Variants in MLIP observed in about 807,000 individuals in gnomAD.
MLIP encodes the protein muscular LMNA interacting protein, also known as muscular LMNA-interacting protein.
Under a neutral mutation model 84.8 loss-of-function variants are expected in MLIP, and 79 were observed. The ratio of observed to expected loss-of-function variants is 0.93; its 90% CI spans 0.78 to 1.12. MLIP has a LOEUF of 1.12. MLIP is among the 50% of genes most tolerant of loss of function. The pLI is 0.00. For missense variants in MLIP, 1,257 were observed against 1,160.6 expected, an observed-to-expected ratio of 1.08 and a Z score of -1.21; for synonymous variants, 504 against 463.0, an observed-to-expected ratio of 1.09 and a Z score of -1.14.
At chr6:54,150,359 C>T (rs74509098) in intron 5 of MLIP, among the ~76,000 whole-genome samples, 10,846 of 152,164 alleles carry the variant, frequency 0.071, 556 homozygotes, top group East Asian at 0.24. Flanking sequence ...GACTAAAATA[C>T]GGATTTCAGG....
intron 12 of MLIP, among the ~76,000 whole-genome samples, chr6:54,243,058 T>G (rs1781844073): frequency 6.6e-6 from 1 of 152,220 alleles, no homozygotes; most frequent in South Asian, 2.1e-4. Flanking sequence ...TTCCAAGTCC[T>G]TATTTTCTAC....
At chr6:54,036,158 C>T (rs1764424105) in intron 1 of MLIP, among the ~76,000 whole-genome samples, 1 of 151,702 alleles carries the variant, frequency 6.6e-6, no homozygotes, top group Non-Finnish European at 1.5e-5. Context: ...ATAATACTAC[C>T]CATGTCAAAG....
At chr6:54,072,681 A>G (rs1034346843) in intron 1 of MLIP, among the ~76,000 whole-genome samples, 3 of 152,092 alleles carry the variant, frequency 2.0e-5, no homozygotes, top group Admixed American at 6.6e-5. Flanking sequence ...GCTTACTGTG[A>G]TTTACAATGA....
At position 54,213,727 on chromosome 6, in the gene MLIP, A is replaced by AAAAAAC. The variant is rs1554185754; in HGVS notation, c.2718+11499_2718+11500insCAAAAA. Among the ~76,000 whole-genome samples the AAAAAAC allele has an allele frequency of 3.0e-4, 3 of 9,966 alleles. 1 individual carries two copies. The highest frequency in any genetic ancestry group is 1.8e-3 in the Non-Finnish European group (3 of 1,648). The allele number at this position is 9,966 out of a possible 152,430, so 6.5% of individuals were successfully genotyped here. A position where few individuals can be genotyped will look rare whatever the true frequency, so the allele number is the denominator to read the frequency against. ...TGTCTCAAAAAAAAAAAAAAAAAAAAAAAAAAAAACAACAAACAGCATATC... is the reference window on the plus strand; with the variant it reads ...TGTCTCAAAAAAAAAAAAAAAAAAAAAAAAACAAAAAAAAACAACAAACAGCATATC... On this transcript the variant is annotated intron_variant, in intron 11 of 13. Coordinates refer to ENST00000502396, the MANE Select transcript of MLIP (RefSeq NM_001281747.2).
chr6:54,058,215 T>G (rs988034782), intron 1 of MLIP, among the ~76,000 whole-genome samples: 1 of 152,170 alleles, frequency 6.6e-6, no homozygotes, highest in Non-Finnish European at 1.5e-5. Context: ...AATTGGGTCT[T>G]TACTTCCCTT....
intron 1 of MLIP, among the ~76,000 whole-genome samples, chr6:54,039,899 C>T (rs1764649862): frequency 6.6e-6 from 1 of 151,910 alleles, no homozygotes. Context: ...TCTCCACCTA[C>T]AGAGAGCTAG....
rs939242270 is a variant in MLIP at position 54,111,984 on chromosome 6, C to T, written c.96+409C>T. ...GAAAACAGTTTCTCAAATTATTAGG[C>T]TATCCGGTGAGAAGATGACGTTCTT... is the stretch of plus-strand genomic sequence containing the variant. On this transcript the variant is annotated intron_variant, in intron 1 of 13. Transcript: ENST00000502396. Among the ~76,000 whole-genome samples, 8 of 152,310 alleles carry T rather than the reference C, an allele frequency of 5.3e-5. 1 individual carries two copies. The highest frequency in any genetic ancestry group is 1.9e-4 in the African/African-American group (8 of 41,560).
chr6:54,093,639 T>C (rs1052541876), intron 1 of MLIP, among the ~76,000 whole-genome samples: 9 of 152,200 alleles, frequency 5.9e-5, no homozygotes, highest in African/African-American at 2.2e-4. Context: ...AAATGATTTA[T>C]GGCTAGTCCA....
chr6:54,154,328 A>G (rs1773793763), intron 5 of MLIP, among the ~76,000 whole-genome samples: 2 of 152,160 alleles, frequency 1.3e-5, no homozygotes, highest in Non-Finnish European at 2.9e-5. Flanking sequence ...TTTCTTTAGG[A>G]CAGAATAAGC....
At position 54,202,295 on chromosome 6, in the gene MLIP, TATAA is replaced by T. The variant is rs1032452789; in HGVS notation, c.2718+66_2718+69del. ...TAAATATAAATATATATAAAATATA[TATAA>T]ATATATAAATATATTTTGATAAATA... On this transcript the variant is annotated intron_variant, in intron 11 of 13. Transcript: ENST00000502396. 4 of 742,104 alleles carry T rather than the reference TATAA, an allele frequency of 5.4e-6. No homozygotes were observed. The African/African-American group carries it at 7.9e-5, about 15-fold the overall frequency. The allele number at this position is 742,104 out of a possible 1,614,324, so 46.0% of individuals were successfully genotyped here.
At chr6:54,255,531 G>A (rs1036632176) in intron 12 of MLIP, among the ~76,000 whole-genome samples, 31 of 152,208 alleles carry the variant, frequency 2.0e-4, no homozygotes, top group African/African-American at 6.7e-4. Flanking sequence ...ATCATAAACA[G>A]AAGAAAGCAT....
intron 9 of MLIP, among the ~76,000 whole-genome samples, chr6:54,187,956 G>A (rs1007297231): frequency 2.0e-5 from 3 of 152,292 alleles, no homozygotes; most frequent in Non-Finnish European, 2.9e-5. Context: ...GCAGTGAGCC[G>A]AGATTGCACC....
chr6:54,183,592 CAACT>C (rs1437312783), intron 9 of MLIP, among the ~76,000 whole-genome samples: 2 of 151,840 alleles, frequency 1.3e-5, no homozygotes, highest in South Asian at 2.1e-4. Flanking sequence ...TTCCGTCTAC[CAACT>C]ATGTTCATGA....
At chr6:54,112,208 T>C (rs1769524439) in intron 1 of MLIP, among the ~76,000 whole-genome samples, 1 of 152,226 alleles carries the variant, frequency 6.6e-6, no homozygotes, top group South Asian at 2.1e-4. Flanking sequence ...AAAATGGTTT[T>C]TCATCACCAT....
intron 5 of MLIP, among the ~76,000 whole-genome samples, chr6:54,155,503 A>G (rs1304165879): frequency 6.6e-6 from 1 of 152,148 alleles, no homozygotes; most frequent in African/African-American, 2.4e-5. Flanking sequence ...AAGTATAACA[A>G]AAAGTTTACA....
At chr6:54,219,826 A>G (rs1244462609) in intron 11 of MLIP, among the ~76,000 whole-genome samples, 2 of 152,212 alleles carry the variant, frequency 1.3e-5, no homozygotes, top group African/African-American at 2.4e-5. Context: ...GGGGTGATGG[A>G]CAGTGAGCCC....
chr6:54,217,597 G>A lies in MLIP; in HGVS notation c.2719-13117G>A, dbSNP rs1779938363. 3 of 983,856 alleles carry A rather than the reference G, an allele frequency of 3.0e-6. No homozygotes were observed. In the South Asian group the frequency reaches 1.4e-4, roughly 46 times the overall value. The allele number at this position is 983,856 out of a possible 1,614,324, so 60.9% of individuals were successfully genotyped here. A position where few individuals can be genotyped will look rare whatever the true frequency, so the allele number is the denominator to read the frequency against. On this transcript the variant is annotated intron_variant, in intron 11 of 13. Coordinates refer to ENST00000502396, the MANE Select transcript of MLIP (RefSeq NM_001281747.2). ...CTGTCTTCTTGAAGTTTTGTAGAAT[G>A]ATAGTATCATCTCAAAAATAATTAA...
intron 1 of MLIP, chr6:54,043,378 G>A (rs1222241107): frequency 6.6e-6 from 1 of 152,164 alleles, no homozygotes; most frequent in Non-Finnish European, 1.5e-5. Flanking sequence ...TAGTTAAGAT[G>A]TAATGAATTG....
intron 12 of MLIP, among the ~76,000 whole-genome samples, chr6:54,249,679 C>T (rs1193062856): frequency 6.6e-6 from 1 of 151,072 alleles, no homozygotes; most frequent in Non-Finnish European, 1.5e-5. Flanking sequence ...AGCTTGCAGT[C>T]TTTTGGGGAA....
Sources: gnomAD v4.1 joint callset for allele counts (sites outside exome capture counted in the v4.1 genomes callset) on GRCh38, gnomAD v4.1.1 for gene constraint, MANE v1.5 for transcripts, NCBI Gene and HGNC (gene_info 2026-07-23, HGNC 2026-07-21) for gene names.